SLC35F3: variants seen among roughly 807,000 people sequenced by gnomAD.
SLC35F3 encodes putative thiamine transporter SLC35F3.
In SLC35F3, 25 loss-of-function variants were observed where a neutral mutation model predicts 49.9. The ratio of observed to expected loss-of-function variants is 0.50; its 90% CI spans 0.37 to 0.70. The LOEUF is 0.70. Ranked by LOEUF, SLC35F3 falls within the 30% of genes least tolerant of loss-of-function variation. The pLI is 0.00. For missense variants in SLC35F3, 525 were observed against 639.8 expected (o/e 0.82, Z 1.94); for synonymous variants, 275 against 265.4 (o/e 1.04, Z -0.35).
At chr1:234,276,074 T>C (rs12038414) in intron 3 of SLC35F3, among the ~76,000 whole-genome samples, 9,170 of 152,062 alleles carry the variant, frequency 0.06, 319 homozygotes, top group African/African-American at 0.098. Flanking sequence ...TGGGAGAGGG[T>C]AGGTAGTTGC....
chr1:233,929,040 C>T (rs1240393155), intron 2 of SLC35F3, among the ~76,000 whole-genome samples: 1 of 152,154 alleles, frequency 6.6e-6, no homozygotes, highest in Non-Finnish European at 1.5e-5. Context: ...ATATAGAATA[C>T]ATTTGGCCAA....
chr1:233,925,245 C>A (rs1412340197), intron 2 of SLC35F3, among the ~76,000 whole-genome samples: 1 of 151,970 alleles, frequency 6.6e-6, no homozygotes, highest in Admixed American at 6.6e-5. Context: ...TTAAAGTCTC[C>A]CATTATTATT....
chr1:234,163,988 A>G (rs1336425915), intron 2 of SLC35F3, among the ~76,000 whole-genome samples: 1 of 148,010 alleles, frequency 6.8e-6, no homozygotes, highest in Non-Finnish European at 1.5e-5. Context: ...TAGAAGAAAA[A>G]AATATCTCCT....
chr1:234,315,420 T>C (rs564643935), intron 4 of SLC35F3, among the ~76,000 whole-genome samples: 1 of 152,326 alleles, frequency 6.6e-6, no homozygotes, highest in Admixed American at 6.5e-5. Context: ...TGCATTCCTG[T>C]TTATATATGT....
intron 3 of SLC35F3, among the ~76,000 whole-genome samples, chr1:234,267,788 C>T (rs1233736434): frequency 3.6e-5 from 4 of 111,420 alleles, no homozygotes; most frequent in East Asian, 2.5e-4. Flanking sequence ...ATGGGGCGGC[C>T]GGGCAGAGAC....
chr1:234,067,115 C>A (rs1431137868), intron 2 of SLC35F3, among the ~76,000 whole-genome samples: 1 of 152,064 alleles, frequency 6.6e-6, no homozygotes, highest in Non-Finnish European at 1.5e-5. Flanking sequence ...TTGTTATATC[C>A]CATTTTAATA....
At chr1:233,972,960 G>A (rs1404781200) in intron 2 of SLC35F3, among the ~76,000 whole-genome samples, 1 of 152,168 alleles carries the variant, frequency 6.6e-6, no homozygotes, top group African/African-American at 2.4e-5. Context: ...CCCTTCCCCT[G>A]TCATATTGGT....
At chr1:234,093,723 C>G (rs1665079446) in intron 2 of SLC35F3, among the ~76,000 whole-genome samples, 1 of 152,246 alleles carries the variant, frequency 6.6e-6, no homozygotes, top group Non-Finnish European at 1.5e-5. Flanking sequence ...CCGGGGCATT[C>G]TCTGCCCAGC....
At position 234,323,226 on chromosome 1, in the gene SLC35F3, C is replaced by T. The variant is rs141330275; in HGVS notation, c.1456C>T (p.Pro486Ser). The change falls in exon 8 of 8, where the codon CCT becomes TCT. Residue 486 changes from proline to serine, a missense_variant. Pro to Ser is a moderately conservative substitution (Grantham distance 74, BLOSUM62 -1). Transcript: ENST00000366618. The surrounding 1 kb of genome is among the most constrained non-coding windows in gnomAD (Gnocchi z 4.5). Reference protein sequence around the residue: ...GPQSKNRRARPSFAR With the variant: ...GPQSKNRRARSSFAR ...TCAGAGCAAGAACAGAAGAGCCCGC[C>T]CTTCCTTCGCCCGCTAACACCACTC... The T allele has an allele frequency of 1.2e-5, 19 of 1,613,700 alleles. No individual in the cohort carries two copies. In the African/African-American group the frequency reaches 2.1e-4, roughly 18 times the overall value.
At chr1:233,988,752 T>C (rs1470773991) in intron 2 of SLC35F3, among the ~76,000 whole-genome samples, 4 of 152,242 alleles carry the variant, frequency 2.6e-5, no homozygotes, top group Non-Finnish European at 5.9e-5. Flanking sequence ...AGTTTTGTCC[T>C]CGTTATCCTT....
intron 2 of SLC35F3, among the ~76,000 whole-genome samples, chr1:233,964,040 C>T (rs903914400): frequency 6.6e-6 from 1 of 152,210 alleles, no homozygotes; most frequent in African/African-American, 2.4e-5. Flanking sequence ...ATAAACCTGG[C>T]AGTTCAAACT....
At chr1:234,014,737 A>G (rs947896800) in intron 2 of SLC35F3, among the ~76,000 whole-genome samples, 2 of 152,234 alleles carry the variant, frequency 1.3e-5, no homozygotes, top group Non-Finnish European at 2.9e-5. Context: ...GCTAACTAAA[A>G]CAAAATAAAA....
At chr1:234,288,110 C>T (rs1018793073) in intron 3 of SLC35F3, among the ~76,000 whole-genome samples, 3 of 151,812 alleles carry the variant, frequency 2.0e-5, no homozygotes, top group African/African-American at 4.9e-5. Context: ...TTGTCTTAAA[C>T]TCCTGGCTTC....
At chr1:234,314,110 G>A (rs772041732) in intron 4 of SLC35F3, among the ~76,000 whole-genome samples, 6 of 152,166 alleles carry the variant, frequency 3.9e-5, no homozygotes, top group East Asian at 1.9e-4. Context: ...CCTTGTGGGC[G>A]GGACCCCCAG....
chr1:234,077,431 G>A (rs1307764446), intron 2 of SLC35F3, among the ~76,000 whole-genome samples: 4 of 152,222 alleles, frequency 2.6e-5, no homozygotes, highest in Admixed American at 6.5e-5. Flanking sequence ...GAGAAGTGCT[G>A]AATGAAGTGG....
At chr1:234,005,561 A>G (rs1448610443) in intron 2 of SLC35F3, among the ~76,000 whole-genome samples, 1 of 152,184 alleles carries the variant, frequency 6.6e-6, no homozygotes, top group Non-Finnish European at 1.5e-5. Flanking sequence ...CAAATAGATA[A>G]TATTGATCAG....
intron 2 of SLC35F3, among the ~76,000 whole-genome samples, chr1:234,196,029 C>T: frequency 6.6e-6 from 1 of 152,050 alleles, no homozygotes; most frequent in Non-Finnish European, 1.5e-5. Context: ...ATGTTTTTAT[C>T]AGCAGTGTGG....
At chr1:234,227,469 G>T (rs1667304638) in intron 2 of SLC35F3, among the ~76,000 whole-genome samples, 1 of 148,378 alleles carries the variant, frequency 6.7e-6, no homozygotes, top group South Asian at 2.2e-4. Context: ...CGCAATCTCG[G>T]CTTACTACAA....
At chr1:234,290,486 A>G (rs1668489382) in intron 3 of SLC35F3, among the ~76,000 whole-genome samples, 1 of 152,178 alleles carries the variant, frequency 6.6e-6, no homozygotes, top group South Asian at 2.1e-4. Flanking sequence ...CACTCAAGAG[A>G]AGGGTTAACC....
Sources: gnomAD v4.1 joint callset for allele counts (sites outside exome capture counted in the v4.1 genomes callset) on GRCh38, gnomAD v4.1.1 for gene constraint, Gnocchi (gnomAD v3.1) non-coding constraint, MANE v1.5 for transcripts, NCBI Gene and HGNC (gene_info 2026-07-23, HGNC 2026-07-21) for gene names.